The following SVIL variants were observed in gnomAD, a reference collection of about 807,000 sequenced individuals.
SVIL encodes archvillin.
Under a neutral mutation model 240.4 loss-of-function variants are expected in SVIL, and 101 were observed. The observed-to-expected ratio is 0.42, with a 90% confidence interval of 0.36 to 0.50. The LOEUF is 0.50. SVIL is among the 20% of genes least tolerant of loss of function. SVIL has a pLI of 0.01. For missense variants in SVIL, 2,512 were observed against 2,818.7 expected (o/e 0.89, Z 2.46); for synonymous variants, 999 against 1,100.0 (o/e 0.91, Z 1.82).
At chr10:29,461,037 T>G (rs1314836581) in intron 36 of SVIL, among the ~76,000 whole-genome samples, 3 of 152,160 alleles carry the variant, frequency 2.0e-5, no homozygotes, top group Admixed American at 2.0e-4. Flanking sequence ...CATGGTTACA[T>G]TTCTTCCCTG....
At chr10:29,536,625 G>T (rs1951759510) in intron 6 of SVIL, among the ~76,000 whole-genome samples, 1 of 152,034 alleles carries the variant, frequency 6.6e-6, no homozygotes, top group South Asian at 2.1e-4. Flanking sequence ...AAAGGAGTCT[G>T]TTGGCCGGGT....
chr10:29,554,780 C>G lies in SVIL; in HGVS notation c.160+3G>C. The G allele has an allele frequency of 6.3e-7, 1 of 1,584,974 alleles. No individual in the cohort carries two copies. On this transcript the variant is annotated splice_donor_region_variant and intron_variant, in intron 5 of 37. Coordinates refer to ENST00000355867, the MANE Select transcript of SVIL (RefSeq NM_021738.3). Reference sequence around the variant, plus strand: ...AAAATGGGCCACCCAGCTCCACGCTCACCGATGTGGGGGCTGGCAGGGTCG... The same window carrying G: ...AAAATGGGCCACCCAGCTCCACGCTGACCGATGTGGGGGCTGGCAGGGTCG...
chr10:29,681,337 AAG>A (rs1960626419), intron 2 of SVIL, among the ~76,000 whole-genome samples: 1 of 151,180 alleles, frequency 6.6e-6, no homozygotes. Context: ...TGGTGATGGA[AAG>A]AGAGTCTCCA....
chr10:29,719,873 G>A (rs1963870127), intron 1 of SVIL, among the ~76,000 whole-genome samples: 1 of 152,142 alleles, frequency 6.6e-6, no homozygotes, highest in African/African-American at 2.4e-5. Context: ...CCACATGGGG[G>A]GCACAGAGGG....
intron 3 of SVIL, among the ~76,000 whole-genome samples, chr10:29,654,841 G>A (rs2133020795): frequency 6.6e-6 from 1 of 152,280 alleles, no homozygotes; most frequent in South Asian, 2.1e-4. Context: ...AGAGTCCAAA[G>A]GACAGAGGAC....
rs373969255 is a variant in SVIL at position 29,523,488 on chromosome 10, C to T, written c.3126G>A (p.Glu1042=). 3 of 1,612,222 alleles carry T rather than the reference C, an allele frequency of 1.9e-6. No individual in the cohort carries two copies. The South Asian group carries it at 3.3e-5, about 18-fold the overall frequency. ...RDRLPFEEKV[E]VENVMKRKFS... is the part of the protein sequence containing the mutation. ...ACTTCCTTTTCATAACATTCTCCAC[C>T]TCCACCTTCTCTTCAAAGGGCAGCC... is the stretch of plus-strand genomic sequence containing the variant. The change falls in exon 15 of 38, where the codon GAG becomes GAA. Residue 1042 remains glutamate (E), a synonymous_variant. Transcript: ENST00000355867.
In SVIL at chr10:29,530,401, G is replaced by A. The variant is rs114163038; in HGVS notation, c.2106+206C>T. ...AGGCAGGAGGGCCTTAGCATGCCCA[G>A]AGGTGCATGAAGTAGGCTGGGTCCA... On this transcript the variant is annotated intron_variant, in intron 11 of 37. Coordinates refer to ENST00000355867, the MANE Select transcript of SVIL (RefSeq NM_021738.3). Among the ~76,000 whole-genome samples the A allele has an allele frequency of 7.7e-3, 1,176 of 152,288 alleles. 23 individuals are homozygous for A. The highest frequency in any genetic ancestry group is 0.027 in the African/African-American group (1,120 of 41,560).
chr10:29,486,292 A>G, intron 25 of SVIL, 62 bp from the exon 26 acceptor site: 2 of 1,597,618 alleles, frequency 1.3e-6, no homozygotes, highest in Admixed American at 3.5e-5. Flanking sequence ...TGCAATGTAA[A>G]ATGTGAATGA....
In SVIL at chr10:29,461,117, G is replaced by T. The variant is rs115203289; in HGVS notation, c.6402+1160C>A. On this transcript the variant is annotated intron_variant, in intron 36 of 37. Coordinates refer to ENST00000355867, the MANE Select transcript of SVIL (RefSeq NM_021738.3). ...GACTTATGTCCTGTTCCCCTTGGCTGTAGCACCCAAATAAACTTTCTTCCT... is the reference window on the plus strand; with the variant it reads ...GACTTATGTCCTGTTCCCCTTGGCTTTAGCACCCAAATAAACTTTCTTCCT... Among the ~76,000 whole-genome samples, 728 of 152,240 alleles carry T rather than the reference G, an allele frequency of 4.8e-3. 6 individuals carry two copies. The highest frequency in any genetic ancestry group is 0.017 in the African/African-American group (700 of 41,528).
At chr10:29,589,028 C>A (rs1308912078) in intron 1 of SVIL, among the ~76,000 whole-genome samples, 1 of 152,110 alleles carries the variant, frequency 6.6e-6, no homozygotes, top group Non-Finnish European at 1.5e-5. Flanking sequence ...TCCCCAGGAG[C>A]ATCCTGAATG....
chr10:29,601,947 C>A (rs1226018149), intron 1 of SVIL, among the ~76,000 whole-genome samples: 1 of 152,052 alleles, frequency 6.6e-6, no homozygotes, highest in African/African-American at 2.4e-5. Flanking sequence ...TGGCTGAGTC[C>A]TTTATTCTCC....
intron 23 of SVIL, among the ~76,000 whole-genome samples, chr10:29,488,139 A>T (rs1027355512): frequency 2.8e-4 from 43 of 151,988 alleles, no homozygotes; most frequent in Non-Finnish European, 5.6e-4. Context: ...TCTGCGTCGA[A>T]CTTCCCTTGA....
At chr10:29,674,064 A>G (rs532931424) in intron 2 of SVIL, among the ~76,000 whole-genome samples, 28 of 152,156 alleles carry the variant, frequency 1.8e-4, no homozygotes, top group Admixed American at 4.6e-4. Context: ...AGCACAGTGG[A>G]TCACACCTGT....
chr10:29,523,736 C>G lies in SVIL; in HGVS notation c.2878G>C (p.Asp960His), dbSNP rs1485840402. Residue 960 changes from aspartate (D) to histidine (H), a missense_variant, in exon 15 of 38, where the codon GAC becomes CAC. Asp to His is a moderately conservative substitution (Grantham distance 81). This residue lies in a region of SVIL where 1,443 missense variants were observed against 1,486.6 expected (regional missense o/e 0.97). Coordinates refer to ENST00000355867, the MANE Select transcript of SVIL (RefSeq NM_021738.3). ...TESKRALTGR[D>H]SGMEKYGSFE... ...GACCCATACTTCTCCATCCCACTGT[C>G]TCGACCTGTCAAAGCTCTCTTGCTT... 1.3e-5 allele frequency: 21 copies of G among 1,614,236 alleles called. No homozygotes were observed. Among genetic ancestry groups the G allele is most frequent in the East Asian group, 2.2e-5 (1 of 44,884 alleles).
At chr10:29,716,686 T>A (rs1206415876) in intron 1 of SVIL, among the ~76,000 whole-genome samples, 1 of 152,148 alleles carries the variant, frequency 6.6e-6, no homozygotes, top group Non-Finnish European at 1.5e-5. Context: ...GCCAAAAAAA[T>A]TGTTTTAATG....
At chr10:29,688,407 G>A (rs1423439199) in intron 1 of SVIL, among the ~76,000 whole-genome samples, 3 of 152,164 alleles carry the variant, frequency 2.0e-5, no homozygotes, top group Non-Finnish European at 4.4e-5. Flanking sequence ...TGAAGATGCC[G>A]TTCAGATCCC....
Position 29,522,374 on chromosome 10 carries a change from C to T in SVIL, c.3389+36G>A, listed in dbSNP as rs753310432. 34 of 1,606,148 alleles carry T rather than the reference C, an allele frequency of 2.1e-5. No individual in the cohort carries two copies. The South Asian group carries it at 3.2e-4, about 15-fold the overall frequency. On this transcript the variant is annotated intron_variant, in intron 16 of 37. Transcript: ENST00000355867. ...TAAAAGCAAGCTGTAAGCTCCTCCCCGAGAGAATTACTTTTCGCTCACCGA... is the reference window on the plus strand; with the variant it reads ...TAAAAGCAAGCTGTAAGCTCCTCCCTGAGAGAATTACTTTTCGCTCACCGA...
At chr10:29,570,279 C>T (rs571425102) in intron 1 of SVIL, among the ~76,000 whole-genome samples, 1 of 152,238 alleles carries the variant, frequency 6.6e-6, no homozygotes, top group South Asian at 2.1e-4. Flanking sequence ...TGTAATTAAC[C>T]AAAGAGAAAT....
intron 1 of SVIL, among the ~76,000 whole-genome samples, chr10:29,689,004 T>C (rs1244014561): frequency 6.6e-6 from 1 of 152,178 alleles, no homozygotes; most frequent in Non-Finnish European, 1.5e-5. Flanking sequence ...ACTGAAATCA[T>C]AAAAGGCACA....
Sources: allele counts gnomAD v4.1 joint callset (sites outside exome capture counted in the v4.1 genomes callset), GRCh38; gene constraint gnomAD v4.1.1; regional missense constraint gnomAD v4.1.1; transcripts MANE v1.5; gene names NCBI Gene and HGNC (gene_info 2026-07-23, HGNC 2026-07-21).